KCNH1: variants seen among roughly 807,000 people sequenced by gnomAD.
KCNH1 encodes potassium voltage-gated channel subfamily H member 1, also known as voltage-gated delayed rectifier potassium channel KCNH1.
KCNH1 carries 27 observed loss-of-function variants against 69.2 expected under a neutral mutation model. The ratio of observed to expected loss-of-function variants is 0.39; its 90% CI spans 0.29 to 0.54. The LOEUF (loss-of-function observed/expected upper bound fraction) is 0.54, where lower values mean the gene tolerates loss of function less well. KCNH1 is among the 20% of genes least tolerant of loss of function. The probability of loss-of-function intolerance (pLI) is 0.68; values close to 1 mark genes in which losing one functional copy is unlikely to be tolerated. For missense variants in KCNH1, 798 were observed against 1,261.6 expected (o/e 0.63, Z 5.57); for synonymous variants, 456 against 487.7 (o/e 0.93, Z 0.86).
chr1:210,934,706 G>C (rs1687744847), intron 6 of KCNH1, among the ~76,000 whole-genome samples: 1 of 151,614 alleles, frequency 6.6e-6, no homozygotes, highest in Non-Finnish European at 1.5e-5. Flanking sequence ...TAATCATTAA[G>C]GAAATGCAAG....
intron 1 of KCNH1, among the ~76,000 whole-genome samples, chr1:211,120,451 A>G (rs376451652): frequency 6.6e-6 from 1 of 152,232 alleles, no homozygotes; most frequent in South Asian, 2.1e-4. Flanking sequence ...CAGCCTCCCA[A>G]AATGCTGGGA....
At chr1:210,765,213 G>A (rs766757780) in intron 10 of KCNH1, among the ~76,000 whole-genome samples, 2 of 152,016 alleles carry the variant, frequency 1.3e-5, no homozygotes, top group Non-Finnish European at 2.9e-5. Context: ...AAAACTGGGG[G>A]TGGGGGTACA....
At chr1:210,843,680 T>C (rs1685475178) in intron 7 of KCNH1, among the ~76,000 whole-genome samples, 1 of 152,128 alleles carries the variant, frequency 6.6e-6, no homozygotes. Flanking sequence ...TTAATGCATG[T>C]TTGTGTAGAA....
chr1:210,966,653 T>A (rs1044933372), intron 6 of KCNH1, among the ~76,000 whole-genome samples: 5 of 151,982 alleles, frequency 3.3e-5, no homozygotes, highest in East Asian at 1.9e-4. Flanking sequence ...CAAATGCAAA[T>A]CAAAACCACG....
intron 10 of KCNH1, among the ~76,000 whole-genome samples, chr1:210,751,940 G>A (rs1282286327): frequency 6.6e-6 from 1 of 152,072 alleles, no homozygotes; most frequent in Admixed American, 6.6e-5. Flanking sequence ...GATTCCAGCT[G>A]GATGTAGACT....
chr1:210,846,497 T>C (rs1343557788), intron 7 of KCNH1, among the ~76,000 whole-genome samples: 3 of 152,092 alleles, frequency 2.0e-5, no homozygotes, highest in Non-Finnish European at 2.9e-5. Context: ...CCCTATTTAA[T>C]AAATGGTGCT....
intron 5 of KCNH1, among the ~76,000 whole-genome samples, chr1:211,032,680 A>C (rs183506444): frequency 0.026 from 4,023 of 152,304 alleles, 93 homozygotes; most frequent in South Asian, 0.06. Context: ...CCTATTTAAT[A>C]AATGGTGCTG....
intron 5 of KCNH1, among the ~76,000 whole-genome samples, chr1:211,050,843 C>T (rs539771409): frequency 2.0e-5 from 3 of 152,226 alleles, no homozygotes; most frequent in East Asian, 3.9e-4. Context: ...TACTGAGGTC[C>T]CTACCAAGGG....
chr1:211,028,526 A>G (rs1200899731), intron 5 of KCNH1, among the ~76,000 whole-genome samples: 1 of 152,142 alleles, frequency 6.6e-6, no homozygotes, highest in Non-Finnish European at 1.5e-5. Flanking sequence ...TCAGTAACAT[A>G]AAATAACATC....
At chr1:211,006,571 G>A (rs1311508674) in intron 6 of KCNH1, among the ~76,000 whole-genome samples, 3 of 147,348 alleles carry the variant, frequency 2.0e-5, no homozygotes, top group South Asian at 2.1e-4. Context: ...GAACGATGAG[G>A]GATGTCTGGG....
At chr1:211,091,045 A>G (rs555473623) in intron 3 of KCNH1, among the ~76,000 whole-genome samples, 2 of 152,316 alleles carry the variant, frequency 1.3e-5, no homozygotes, top group Admixed American at 6.5e-5. Context: ...AGTAAAGAGT[A>G]GGGGACAAGA....
intron 7 of KCNH1, among the ~76,000 whole-genome samples, chr1:210,841,704 T>A (rs1685414480): frequency 6.6e-6 from 1 of 152,132 alleles, no homozygotes; most frequent in South Asian, 2.1e-4. Flanking sequence ...ATCTCTTATT[T>A]TAACATGGGG....
chr1:210,963,257 G>A (rs563785320), intron 6 of KCNH1, among the ~76,000 whole-genome samples: 5 of 152,068 alleles, frequency 3.3e-5, no homozygotes, highest in East Asian at 3.9e-4. Context: ...CAAAAGGGAC[G>A]TCCACGCAGA....
At chr1:210,856,082 A>G (rs1416284874) in intron 7 of KCNH1, among the ~76,000 whole-genome samples, 3 of 152,160 alleles carry the variant, frequency 2.0e-5, no homozygotes, top group African/African-American at 7.2e-5. Flanking sequence ...GAAAATCTCA[A>G]GTTCTCAACT....
intron 1 of KCNH1, among the ~76,000 whole-genome samples, chr1:211,112,801 C>T (rs1019217842): frequency 3.3e-5 from 5 of 152,168 alleles, no homozygotes; most frequent in African/African-American, 4.8e-5. Context: ...GCCACAAAGC[C>T]GTCTGCCTCC....
intron 1 of KCNH1, among the ~76,000 whole-genome samples, chr1:211,124,857 C>T (rs1435152438): frequency 6.6e-6 from 1 of 152,102 alleles, no homozygotes; most frequent in East Asian, 1.9e-4. Flanking sequence ...GGTGTAAATA[C>T]CTTGCACCTT....
At chr1:211,074,574 T>C (rs1182763343) in intron 5 of KCNH1, among the ~76,000 whole-genome samples, 1 of 152,212 alleles carries the variant, frequency 6.6e-6, no homozygotes, top group Non-Finnish European at 1.5e-5. Context: ...TATATGGGTA[T>C]CAAGTTGACA....
In KCNH1 at chr1:210,680,828, C is replaced by T; in HGVS notation, c.*2453G>A. 1 of 152,252 alleles carries T rather than the reference C, an allele frequency of 6.6e-6. No homozygotes were observed. Among genetic ancestry groups the T allele is most frequent in the Non-Finnish European group, 1.5e-5 (1 of 68,086 alleles). 9.4% of individuals were successfully genotyped at this position (152,252 alleles called of 1,614,324 possible). On this transcript the variant is annotated 3_prime_UTR_variant, in exon 11 of 11. Coordinates refer to ENST00000271751, the MANE Select transcript of KCNH1 (RefSeq NM_172362.3). ...CTTCCAGTCATGAGCCCAGTTTGCG[C>T]TGATTCACGAGTGCATTCCTAAAGC...
rs138891154 is a variant in KCNH1 at position 210,789,427 on chromosome 1, G to A, written c.1915+8081C>T. Among the ~76,000 whole-genome samples the A allele has an allele frequency of 4.2e-3, 646 of 152,330 alleles. 2 individuals carry two copies. The highest frequency in any genetic ancestry group is 0.015 in the African/African-American group (620 of 41,562). On this transcript the variant is annotated intron_variant, in intron 9 of 10. Transcript: ENST00000271751. ...ATCCTCCTTTCCAAGAATGCTTAGA[G>A]GGAGGGGTTGGGTACTAGATGCAAA...
Sources: gnomAD v4.1 joint callset for allele counts (sites outside exome capture counted in the v4.1 genomes callset) on GRCh38, gnomAD v4.1.1 for gene constraint, MANE v1.5 for transcripts, NCBI Gene and HGNC (gene_info 2026-07-23, HGNC 2026-07-21) for gene names.